The following SEC61A2 variants were observed in gnomAD, a reference collection of about 807,000 sequenced individuals.
SEC61A2 encodes protein transport protein Sec61 subunit alpha isoform 2.
In SEC61A2, 28 loss-of-function variants were observed where a neutral mutation model predicts 59.9. The ratio of observed to expected loss-of-function variants is 0.47; its 90% CI spans 0.35 to 0.64. The LOEUF is 0.64. Ranked by LOEUF, SEC61A2 falls within the 30% of genes least tolerant of loss-of-function variation. The probability of loss-of-function intolerance (pLI) is 0.01; values close to 1 mark genes in which losing one functional copy is unlikely to be tolerated. For missense variants in SEC61A2, 340 were observed against 585.9 expected, an observed-to-expected ratio of 0.58 and a Z score of 4.33; for synonymous variants, 202 against 214.4, an observed-to-expected ratio of 0.94 and a Z score of 0.50.
intron 1 of SEC61A2, among the ~76,000 whole-genome samples, chr10:12,132,317 C>A (rs771772904): frequency 6.7e-6 from 1 of 150,248 alleles, no homozygotes; most frequent in Admixed American, 6.7e-5. Context: ...CAAAAACAAA[C>A]CAGTTAACTA....
chr10:12,133,120 T>C (rs1833800276), intron 1 of SEC61A2, 121 bp from the exon 2 acceptor site: 3 of 561,358 alleles, frequency 5.3e-6, no homozygotes, highest in Non-Finnish European at 9.7e-6. Flanking sequence ...TGATTTAATT[T>C]GGGGCTTAAG....
rs1213640746 is a variant in SEC61A2, at chr10:12,165,207, T to G, written c.*753T>G. ...ATTCTGGGCCCCGATTCTTTTCTGTTTAAATCCCTAAAGCAAAGATCTAAT... is the reference window on the plus strand; with the variant it reads ...ATTCTGGGCCCCGATTCTTTTCTGTGTAAATCCCTAAAGCAAAGATCTAAT... On this transcript the variant is annotated 3_prime_UTR_variant, in exon 12 of 12. Transcript: ENST00000298428. The G allele has an allele frequency of 1.0e-6, 1 of 985,310 alleles. No individual in the cohort carries two copies. The allele number at this position is 985,310 out of a possible 1,614,324, so 61.0% of individuals were successfully genotyped here.
At chr10:12,144,863 A>C (rs1227747964) in intron 4 of SEC61A2, among the ~76,000 whole-genome samples, 1 of 152,148 alleles carries the variant, frequency 6.6e-6, no homozygotes, top group African/African-American at 2.4e-5. Context: ...CAGCCTAGGC[A>C]ACAAAGTGAG....
Position 12,155,730 on chromosome 10 carries a change from TC to T in SEC61A2, c.463-47del. Reference sequence around the variant, plus strand: ...AGCCAATGGTGTTCCTCTCCCCCTTTCTTGAGTTTGTTCTTGCTTCCGCTTA... The same window carrying T: ...AGCCAATGGTGTTCCTCTCCCCCTTTTTGAGTTTGTTCTTGCTTCCGCTTA... On this transcript the variant is annotated intron_variant, in intron 6 of 11. Coordinates refer to ENST00000298428, the MANE Select transcript of SEC61A2 (RefSeq NM_018144.4). The surrounding 1 kb of genome is among the most constrained non-coding windows in gnomAD (Gnocchi z 4.3). The T allele has an allele frequency of 1.9e-6, 3 of 1,609,870 alleles. No homozygotes were observed. The highest frequency in any genetic ancestry group is 2.6e-6 in the Non-Finnish European group (3 of 1,176,372).
chr10:12,160,826 C>G lies in SEC61A2; in HGVS notation c.976-104C>G. 1.0e-6 allele frequency: 1 copy of G among 981,860 alleles called. No homozygotes were observed. The highest frequency in any genetic ancestry group is 1.5e-6 in the Non-Finnish European group (1 of 655,778). 60.8% of individuals were successfully genotyped at this position (981,860 alleles called of 1,614,324 possible). ...ACATAGAATGACTAGCTGTAGATGC[C>G]TTGAACTTAAAACACTGTCATTTCT... is the stretch of plus-strand genomic sequence containing the variant. On this transcript the variant is annotated intron_variant, in intron 9 of 11. Transcript: ENST00000298428. The surrounding 1 kb of genome is among the most constrained non-coding windows in gnomAD (Gnocchi z 4.1).
At position 12,143,805 on chromosome 10, in the gene SEC61A2, G is replaced by T. The variant is rs985058491; in HGVS notation, c.220+610G>T. 6.6e-6 allele frequency among the ~76,000 whole-genome samples: 1 copy of T among 152,176 alleles called. No homozygotes were observed. Among genetic ancestry groups the T allele is most frequent in the African/African-American group, 2.4e-5 (1 of 41,438 alleles). On this transcript the variant is annotated intron_variant, in intron 4 of 11. Coordinates refer to ENST00000298428, the MANE Select transcript of SEC61A2 (RefSeq NM_018144.4). The surrounding 1 kb of genome is among the most constrained non-coding windows in gnomAD (Gnocchi z 4.8). ...GGAGCTGAGCCTGAAGCCTCAAGCAGCATTGTTCATCTGGGAAATTGTGGC... is the reference window on the plus strand; with the variant it reads ...GGAGCTGAGCCTGAAGCCTCAAGCATCATTGTTCATCTGGGAAATTGTGGC...
chr10:12,137,188 G>A (rs11257559), intron 3 of SEC61A2, among the ~76,000 whole-genome samples: 52,757 of 152,076 alleles, frequency 0.35, 9,611 homozygotes, highest in East Asian at 0.42. Flanking sequence ...CTGCAGGTGT[G>A]CCCCACCATG....
At position 12,164,494 on chromosome 10, in the gene SEC61A2, C is replaced by T; in HGVS notation, c.*40C>T. ...CATTTTGTGCGTGTGAAAGGGAAAACACTTTGACGGATCGTTTTTGTCAGA... is the reference window on the plus strand; with the variant it reads ...CATTTTGTGCGTGTGAAAGGGAAAATACTTTGACGGATCGTTTTTGTCAGA... On this transcript the variant is annotated 3_prime_UTR_variant, in exon 12 of 12. Coordinates refer to ENST00000298428, the MANE Select transcript of SEC61A2 (RefSeq NM_018144.4). The surrounding 1 kb of genome is among the most constrained non-coding windows in gnomAD (Gnocchi z 7.3). The T allele has an allele frequency of 1.9e-6, 3 of 1,587,104 alleles. No individual in the cohort carries two copies. Among genetic ancestry groups the T allele is most frequent in the South Asian group, 1.1e-5 (1 of 87,250 alleles).
chr10:12,143,750 C>G lies in SEC61A2; in HGVS notation c.220+555C>G, dbSNP rs963567168. On this transcript the variant is annotated intron_variant, in intron 4 of 11. Transcript: ENST00000298428. The surrounding 1 kb of genome is among the most constrained non-coding windows in gnomAD (Gnocchi z 4.8). Reference sequence around the variant, plus strand: ...TCTGCCTCCAAAAAAAAAGGGAGTCCAGTGTGTGAGCCAATCGGGGAGCTC... The same window carrying G: ...TCTGCCTCCAAAAAAAAAGGGAGTCGAGTGTGTGAGCCAATCGGGGAGCTC... Among the ~76,000 whole-genome samples, 1 of 151,940 alleles carries G rather than the reference C, an allele frequency of 6.6e-6. No individual in the cohort carries two copies. Among genetic ancestry groups the G allele is most frequent in the Non-Finnish European group, 1.5e-5 (1 of 67,968 alleles).
At position 12,145,090 on chromosome 10, in the gene SEC61A2, G is replaced by A. The variant is rs1425379423; in HGVS notation, c.220+1895G>A. Among the ~76,000 whole-genome samples, 1 of 151,952 alleles carries A rather than the reference G, an allele frequency of 6.6e-6. No homozygotes were observed. Among genetic ancestry groups the A allele is most frequent in the Non-Finnish European group, 1.5e-5 (1 of 67,972 alleles). The stretch of plus-strand genomic sequence containing the variant: ...TTGAGGAGGTGAGTGTGGGGTGGAA[G>A]AAATGAAAGAAGAGGGAGGAGTGAT... On this transcript the variant is annotated intron_variant, in intron 4 of 11. Coordinates refer to ENST00000298428, the MANE Select transcript of SEC61A2 (RefSeq NM_018144.4). The surrounding 1 kb of genome is among the most constrained non-coding windows in gnomAD (Gnocchi z 4.4).
intron 3 of SEC61A2, among the ~76,000 whole-genome samples, chr10:12,139,301 G>A (rs1378506827): frequency 6.6e-6 from 1 of 151,702 alleles, no homozygotes; most frequent in Non-Finnish European, 1.5e-5. Context: ...GCCGTGTTCT[G>A]GAGTTCCAGT....
Position 12,155,718 on chromosome 10 carries a change from C to T in SEC61A2, c.463-60C>T. On this transcript the variant is annotated intron_variant, in intron 6 of 11. Transcript: ENST00000298428. The surrounding 1 kb of genome is among the most constrained non-coding windows in gnomAD (Gnocchi z 4.3). ...TAGCTTGGAAATAGCCAATGGTGTT[C>T]CTCTCCCCCTTTCTTGAGTTTGTTC... 1.3e-6 allele frequency: 2 copies of T among 1,594,086 alleles called. No homozygotes were observed. The highest frequency in any genetic ancestry group is 1.7e-5 in the Admixed American group (1 of 59,778).
At chr10:12,137,961 A>G (rs1319704668) in intron 3 of SEC61A2, among the ~76,000 whole-genome samples, 1 of 152,156 alleles carries the variant, frequency 6.6e-6, no homozygotes, top group Non-Finnish European at 1.5e-5. Context: ...AGCTGAGATC[A>G]CGCCATTGCA....
At chr10:12,136,817 A>G (rs1833899781) in intron 3 of SEC61A2, among the ~76,000 whole-genome samples, 1 of 151,172 alleles carries the variant, frequency 6.6e-6, no homozygotes, top group Non-Finnish European at 1.5e-5. Flanking sequence ...TTTAGTAGAG[A>G]TGGGGTTTCA....
chr10:12,142,229 C>T lies in SEC61A2; in HGVS notation c.142-888C>T, dbSNP rs1564409428. Among the ~76,000 whole-genome samples, 1 of 151,986 alleles carries T rather than the reference C, an allele frequency of 6.6e-6. No individual in the cohort carries two copies. Among genetic ancestry groups the T allele is most frequent in the Non-Finnish European group, 1.5e-5 (1 of 68,006 alleles). ...CAGGAATCAGGAGGTATCCCTGAGA[C>T]CAGGGTTGAGCAGAAGTCAACATGG... On this transcript the variant is annotated intron_variant, in intron 3 of 11. Transcript: ENST00000298428. The surrounding 1 kb of genome is among the most constrained non-coding windows in gnomAD (Gnocchi z 5.4).
intron 1 of SEC61A2, among the ~76,000 whole-genome samples, chr10:12,130,041 T>C (rs1398032173): frequency 1.3e-5 from 2 of 152,080 alleles, no homozygotes; most frequent in Non-Finnish European, 2.9e-5. Context: ...AGGATGGCGC[T>C]GGGAGGCCAT....
chr10:12,133,656 TACTGGAC>T, intron 2 of SEC61A2, among the ~76,000 whole-genome samples: 1 of 152,240 alleles, frequency 6.6e-6, no homozygotes, highest in African/African-American at 2.4e-5. Flanking sequence ...TGATGTCACC[TACTGGAC>T]TAGAAATAAC....
Position 12,149,744 on chromosome 10 carries a change from T to C in SEC61A2, c.352+18T>C. The stretch of plus-strand genomic sequence containing the variant: ...CCAGAAACGTGAGCATTAATGCAAT[T>C]AAAGAGCATTCTCCAAATTTGAGAG... On this transcript the variant is annotated intron_variant, in intron 5 of 11. Transcript: ENST00000298428. This position sits in a 1 kb window ranked among gnomAD's most constrained non-coding sequence, Gnocchi z 5.2. The C allele has an allele frequency of 6.2e-7, 1 of 1,606,942 alleles. No homozygotes were observed. Among genetic ancestry groups the C allele is most frequent in the South Asian group, 1.1e-5 (1 of 90,138 alleles).
intron 1 of SEC61A2, among the ~76,000 whole-genome samples, chr10:12,131,193 G>A (rs1291686020): frequency 6.6e-6 from 1 of 152,078 alleles, no homozygotes; most frequent in Non-Finnish European, 1.5e-5. Context: ...AACATATATC[G>A]GTGACTGCCC....
Sources: allele counts gnomAD v4.1 joint callset (sites outside exome capture counted in the v4.1 genomes callset), GRCh38; gene constraint gnomAD v4.1.1; non-coding constraint Gnocchi (gnomAD v3.1); transcripts MANE v1.5; gene names NCBI Gene and HGNC (gene_info 2026-07-23, HGNC 2026-07-21).